NAA11: variants seen among roughly 807,000 people sequenced by gnomAD.
NAA11 encodes N-alpha-acetyltransferase 11, NatA catalytic subunit, also known as N-alpha-acetyltransferase 11.
In NAA11, 15 loss-of-function variants were observed where a neutral mutation model predicts 16.1. The ratio of observed to expected loss-of-function variants is 0.93; its 90% CI spans 0.62 to 1.44. The LOEUF (loss-of-function observed/expected upper bound fraction) is 1.44. Ranked by LOEUF, NAA11 falls within the 40% of genes most tolerant of loss-of-function variation. NAA11 has a pLI of 0.00. For missense variants in NAA11, 298 were observed against 291.3 expected (o/e 1.02, Z -0.17); for synonymous variants, 122 against 112.4 (o/e 1.09, Z -0.54).
intron 2 of NAA11, among the ~76,000 whole-genome samples, chr4:79,235,828 T>G (rs1232251029): frequency 2.0e-5 from 3 of 152,058 alleles, no homozygotes; most frequent in Non-Finnish European, 2.9e-5. Context: ...TGTCTCCAGG[T>G]TCATCCAACA....
chr4:79,266,788 T>G, intron 2 of NAA11, among the ~76,000 whole-genome samples: 1 of 152,216 alleles, frequency 6.6e-6, no homozygotes, highest in East Asian at 1.9e-4. Context: ...TCTATTAGCT[T>G]TTTTGAGTCA....
At chr4:79,237,141 T>C (rs754488341) in intron 2 of NAA11, among the ~76,000 whole-genome samples, 10 of 152,322 alleles carry the variant, frequency 6.6e-5, no homozygotes, top group Non-Finnish European at 1.5e-4. Context: ...AATTGGGTAA[T>C]GTAAAACTGT....
At chr4:79,290,664 G>T (rs922019848) in intron 2 of NAA11, among the ~76,000 whole-genome samples, 1 of 152,092 alleles carries the variant, frequency 6.6e-6, no homozygotes, top group Non-Finnish European at 1.5e-5. Flanking sequence ...TTGCTGCATG[G>T]CATTTGTCTA....
chr4:79,267,858 C>G lies in NAA11; in HGVS notation c.*122+26147G>C, dbSNP rs138138865. Among the ~76,000 whole-genome samples, 1,101 of 152,166 alleles carry G rather than the reference C, an allele frequency of 7.2e-3. 18 individuals are homozygous for G. Among genetic ancestry groups the G allele is most frequent in the African/African-American group, 0.025 (1,039 of 41,516 alleles). ...ATTGCTGTTTCCTAGGAGGAAACAG[C>G]AGCTTCTGCCTGCCATATGTTCATA... On this transcript the variant is annotated intron_variant and NMD_transcript_variant, in intron 2 of 2. Coordinates refer to the NAA11 transcript ENST00000511542.
chr4:79,283,235 T>C lies in NAA11; in HGVS notation c.*122+10770A>G, dbSNP rs116485677. 3.0e-3 allele frequency among the ~76,000 whole-genome samples: 452 copies of C among 151,916 alleles called. 3 individuals carry two copies. Among genetic ancestry groups the C allele is most frequent in the African/African-American group, 0.01 (431 of 41,414 alleles). ...TCAAGAATGTTCACTGTGAAGGGTG[T>C]AGTATAAAGGGATAGTAGTGAATAA... On this transcript the variant is annotated intron_variant and NMD_transcript_variant, in intron 2 of 2. Coordinates refer to the NAA11 transcript ENST00000511542.
chr4:79,258,709 T>C (rs2109972678), intron 2 of NAA11: 1 of 152,322 alleles, frequency 6.6e-6, no homozygotes, highest in South Asian at 2.1e-4. Context: ...CTTCAGGCCA[T>C]GGAGGGCCTG....
At chr4:79,305,528 G>C (rs912871405) in intron 1 of NAA11, among the ~76,000 whole-genome samples, 2 of 152,174 alleles carry the variant, frequency 1.3e-5, no homozygotes, top group Admixed American at 1.3e-4. Flanking sequence ...CCTAAGCTGT[G>C]CATCTGGGTA....
At chr4:79,207,426 A>G in the NAA11 span, among the ~76,000 whole-genome samples, 1 of 150,744 alleles carries the variant, frequency 6.6e-6, no homozygotes, top group Non-Finnish European at 1.5e-5. Flanking sequence ...GTGCTTTGGA[A>G]GAAGAGGAAG....
chr4:79,218,900 C>A, the NAA11 span, among the ~76,000 whole-genome samples: 1 of 152,028 alleles, frequency 6.6e-6, no homozygotes, highest in Non-Finnish European at 1.5e-5. Flanking sequence ...TACTACCATG[C>A]AAAATTTTTG....
At chr4:79,242,908 G>A (rs1721727191) in intron 2 of NAA11, among the ~76,000 whole-genome samples, 1 of 152,156 alleles carries the variant, frequency 6.6e-6, no homozygotes, top group Admixed American at 6.5e-5. Flanking sequence ...AGGAGCTTAG[G>A]GTTCCCTTGA....
the NAA11 span, among the ~76,000 whole-genome samples, chr4:79,179,608 A>G: frequency 6.6e-6 from 1 of 152,216 alleles, no homozygotes. Flanking sequence ...TGGGGAAGGC[A>G]GGAGAAGGAC....
At chr4:79,213,640 T>C in the NAA11 span, among the ~76,000 whole-genome samples, 6,375 of 152,258 alleles carry the variant, frequency 0.042, 197 homozygotes, top group Non-Finnish European at 0.059. Flanking sequence ...ATAGTTTATA[T>C]GCCAGAATAT....
At chr4:79,170,505 A>G in the NAA11 span, among the ~76,000 whole-genome samples, 19 of 152,188 alleles carry the variant, frequency 1.2e-4, no homozygotes, top group Non-Finnish European at 2.4e-4. Context: ...AGTGTATGCC[A>G]GGGAAGCTAG....
intron 2 of NAA11, among the ~76,000 whole-genome samples, chr4:79,243,061 T>A (rs1437350252): frequency 1.3e-5 from 2 of 152,212 alleles, no homozygotes; most frequent in African/African-American, 4.8e-5. Flanking sequence ...CCCAAGTGAT[T>A]TTCCGGAGTT....
At chr4:79,320,948 G>A (rs1316974628) in intron 1 of NAA11, among the ~76,000 whole-genome samples, 1 of 152,162 alleles carries the variant, frequency 6.6e-6, no homozygotes, top group Non-Finnish European at 1.5e-5. Flanking sequence ...CAGGGAGCTA[G>A]ACCTATGTGC....
At chr4:79,191,025 G>T in the NAA11 span, among the ~76,000 whole-genome samples, 755 of 152,232 alleles carry the variant, frequency 5.0e-3, 3 homozygotes, top group Middle Eastern at 0.017. Flanking sequence ...TGGCTGCATA[G>T]TATTCCATGG....
intron 2 of NAA11, among the ~76,000 whole-genome samples, chr4:79,243,712 G>A (rs1010632909): frequency 2.6e-5 from 4 of 152,156 alleles, no homozygotes; most frequent in African/African-American, 9.7e-5. Context: ...TCAACTGAGG[G>A]GCATAAAACA....
At chr4:79,270,043 G>A (rs945308638) in intron 2 of NAA11, among the ~76,000 whole-genome samples, 11 of 151,226 alleles carry the variant, frequency 7.3e-5, no homozygotes, top group Admixed American at 5.3e-4. Context: ...TGAGGGCTCT[G>A]TTCTGTTCCA....
chr4:79,287,435 T>C (rs900572153), intron 2 of NAA11, among the ~76,000 whole-genome samples: 1 of 152,144 alleles, frequency 6.6e-6, no homozygotes, highest in African/African-American at 2.4e-5. Context: ...ACTAGGCTAA[T>C]ACTTGTCAAG....
Sources: allele counts gnomAD v4.1 joint callset (sites outside exome capture counted in the v4.1 genomes callset), GRCh38; gene constraint gnomAD v4.1.1; transcripts MANE v1.5; gene names NCBI Gene and HGNC (gene_info 2026-07-23, HGNC 2026-07-21).